STXBP4: variants seen among roughly 807,000 people sequenced by gnomAD.
STXBP4 encodes the protein syntaxin-binding protein 4.
In STXBP4, 55 loss-of-function variants were observed where a neutral mutation model predicts 76.1. The ratio of observed to expected loss-of-function variants is 0.72; its 90% confidence interval spans 0.58 to 0.91. The LOEUF (loss-of-function observed/expected upper bound fraction) is 0.91. Ranked by LOEUF, STXBP4 falls within the 40% of genes least tolerant of loss-of-function variation. STXBP4 has a pLI of 0.00. For missense variants in STXBP4, 618 were observed against 636.9 expected (o/e 0.97, Z 0.32); for synonymous variants, 201 against 220.2 (o/e 0.91, Z 0.77).
At chr17:55,127,155 C>A (rs1288730564) in intron 16 of STXBP4, among the ~76,000 whole-genome samples, 1 of 152,166 alleles carries the variant, frequency 6.6e-6, no homozygotes, top group East Asian at 1.9e-4. Flanking sequence ...TCCCTGCCAT[C>A]CCTTGTCCCA....
chr17:55,034,244 T>C lies in STXBP4; in HGVS notation c.840T>C (p.Asn280=), dbSNP rs1359945614. 6.2e-7 allele frequency: 1 copy of C among 1,611,374 alleles called. No homozygotes were observed. The highest frequency in any genetic ancestry group is 8.5e-7 in the Non-Finnish European group (1 of 1,178,298). The change falls in exon 10 of 18, where the codon AAT becomes AAC. Residue 280 remains asparagine (N), a synonymous_variant. Transcript: ENST00000376352. The part of the protein sequence containing the change: ...EVNVGAHEIS[N]ILDSQLLPCD... The stretch of plus-strand genomic sequence containing the variant: ...ATGTTGGTGCACATGAAATTTCCAA[T>C]ATATTAGATTCACAGGTAGAGTATG...
chr17:55,032,768 G>T (rs755489044), intron 9 of STXBP4, among the ~76,000 whole-genome samples: 1 of 152,090 alleles, frequency 6.6e-6, no homozygotes, highest in Admixed American at 6.5e-5. Context: ...CACCCAGATT[G>T]CTCAGGGAAC....
At chr17:55,176,553 A>G (rs1367287200), downstream of STXBP4, among the ~76,000 whole-genome samples, 1 of 152,220 alleles carries the variant, frequency 6.6e-6, no homozygotes, top group Non-Finnish European at 1.5e-5. Context: ...GCTATGTTAA[A>G]AAATCTGGAC....
At chr17:55,149,517 G>T (rs1019768343) in intron 17 of STXBP4, among the ~76,000 whole-genome samples, 2 of 152,130 alleles carry the variant, frequency 1.3e-5, no homozygotes, top group Non-Finnish European at 2.9e-5. Flanking sequence ...GAAATTTGGG[G>T]TAAAAAGCAC....
At position 55,135,877 on chromosome 17, in the gene STXBP4, G is replaced by A. The variant is rs1273248114; in HGVS notation, c.1490-5433G>A. On this transcript the variant is annotated intron_variant, in intron 16 of 17. Transcript: ENST00000376352. ...AAAGAGTTAGGCAAAAGTATTATTTGATTGTTTTAATTTTGACTATTGGCA... is the reference window on the plus strand; with the variant it reads ...AAAGAGTTAGGCAAAAGTATTATTTAATTGTTTTAATTTTGACTATTGGCA... Among the ~76,000 whole-genome samples the A allele has an allele frequency of 7.9e-5, 12 of 152,198 alleles. No individual in the cohort carries two copies. In the East Asian group the frequency reaches 2.3e-3, roughly 29 times the overall value.
chr17:54,982,334 G>T (rs1038935004), intron 1 of STXBP4, among the ~76,000 whole-genome samples: 4 of 152,082 alleles, frequency 2.6e-5, no homozygotes, highest in African/African-American at 9.7e-5. Context: ...ATGGGATGAA[G>T]ATTGTTTTAA....
chr17:55,051,436 C>G lies in STXBP4; in HGVS notation c.1011+4282C>G, dbSNP rs1057447880. Among the ~76,000 whole-genome samples, 5 of 151,922 alleles carry G rather than the reference C, an allele frequency of 3.3e-5. No individual in the cohort carries two copies. The South Asian group carries it at 1.0e-3, about 32-fold the overall frequency. On this transcript the variant is annotated intron_variant, in intron 12 of 17. Coordinates refer to ENST00000376352, the MANE Select transcript of STXBP4 (RefSeq NM_178509.6). ...AAGGAATTTCATACAAGTCCTAAAC[C>G]TTTTTTTGTTTTGTTTTGTTTTGTT...
At chr17:55,085,514 C>T (rs1243283737) in intron 16 of STXBP4, among the ~76,000 whole-genome samples, 2 of 151,930 alleles carry the variant, frequency 1.3e-5, no homozygotes, top group African/African-American at 4.8e-5. Flanking sequence ...TAATGTCACC[C>T]TACCTGCTAG....
chr17:55,082,033 AATTT>A (rs954412517), intron 16 of STXBP4, among the ~76,000 whole-genome samples: 1 of 152,174 alleles, frequency 6.6e-6, no homozygotes, highest in African/African-American at 2.4e-5. Context: ...TGAAAATTAT[AATTT>A]ACCTAACTAT....
At chr17:55,134,114 T>G (rs942422745) in intron 16 of STXBP4, among the ~76,000 whole-genome samples, 2 of 151,768 alleles carry the variant, frequency 1.3e-5, no homozygotes, top group African/African-American at 4.8e-5. Context: ...GGATTGAAGT[T>G]TTGAGTAAGT....
At chr17:54,991,997 T>G (rs1420871487) in intron 4 of STXBP4, 1 of 152,106 alleles carries the variant, frequency 6.6e-6, no homozygotes, top group African/African-American at 2.4e-5. Flanking sequence ...TTCAGCTGGA[T>G]TTTTTTGTCT....
intron 15 of STXBP4, among the ~76,000 whole-genome samples, chr17:55,079,700 C>A (rs2079232985): frequency 6.6e-6 from 1 of 151,864 alleles, no homozygotes; most frequent in Non-Finnish European, 1.5e-5. Flanking sequence ...CCCAGGAGCT[C>A]TAGGAGATTG....
chr17:55,141,457 C>A, intron 17 of STXBP4, 90 bp downstream of exon 17: 1 of 1,154,662 alleles, frequency 8.7e-7, no homozygotes, highest in South Asian at 1.6e-5. Context: ...AACTAAGAAA[C>A]CTTCTTGGAG....
At chr17:55,048,091 G>C (rs1159452977) in intron 12 of STXBP4, among the ~76,000 whole-genome samples, 1 of 151,762 alleles carries the variant, frequency 6.6e-6, no homozygotes, top group Non-Finnish European at 1.5e-5. Flanking sequence ...CTTAGCACTA[G>C]CTACAAAAAA....
the STXBP4 span, among the ~76,000 whole-genome samples, chr17:55,198,510 A>C: frequency 3.3e-5 from 5 of 152,334 alleles, no homozygotes; most frequent in Admixed American, 3.3e-4. Context: ...AGAGATTCTC[A>C]ACTAGGGGTG....
At chr17:55,050,087 A>C (rs2078840835) in intron 12 of STXBP4, among the ~76,000 whole-genome samples, 2 of 152,112 alleles carry the variant, frequency 1.3e-5, no homozygotes, top group East Asian at 3.9e-4. Flanking sequence ...TTAGAGGCAT[A>C]TGACTTGGAA....
At chr17:55,017,100 T>C (rs1474441221) in intron 8 of STXBP4, among the ~76,000 whole-genome samples, 1 of 152,198 alleles carries the variant, frequency 6.6e-6, no homozygotes, top group Non-Finnish European at 1.5e-5. Flanking sequence ...GGAGAAGACC[T>C]TCAATTATCA....
the STXBP4 span, among the ~76,000 whole-genome samples, chr17:55,188,092 C>T: frequency 6.6e-6 from 1 of 152,270 alleles, no homozygotes; most frequent in South Asian, 2.1e-4. Flanking sequence ...GTTTTGAAAC[C>T]ATCACTAGAT....
intron 17 of STXBP4, among the ~76,000 whole-genome samples, chr17:55,158,555 G>A (rs1258178581): frequency 6.6e-6 from 1 of 152,216 alleles, no homozygotes; most frequent in Admixed American, 6.5e-5. Flanking sequence ...GATTCATCCA[G>A]CCAAAGGCTG....
Sources: allele counts gnomAD v4.1 joint callset (sites outside exome capture counted in the v4.1 genomes callset), GRCh38; gene constraint gnomAD v4.1.1; transcripts MANE v1.5; gene names NCBI Gene and HGNC (gene_info 2026-07-23, HGNC 2026-07-21).